The following DOCK4 variants were observed in gnomAD, a reference collection of about 807,000 sequenced individuals.
The protein encoded by DOCK4 is dedicator of cytokinesis protein 4.
Under a neutral mutation model 268.1 loss-of-function variants are expected in DOCK4, and 97 were observed. The ratio of observed to expected loss-of-function variants is 0.36; its 90% CI spans 0.31 to 0.43. The LOEUF (loss-of-function observed/expected upper bound fraction) is 0.43, where lower values mean the gene tolerates loss of function less well. Among genes scored for constraint, DOCK4 ranks in the 20% least tolerant of loss-of-function variants. The probability of loss-of-function intolerance (pLI) is 1.00; values close to 1 mark genes in which losing one functional copy is unlikely to be tolerated. For synonymous variants in DOCK4, 954 were observed against 887.2 expected, an observed-to-expected ratio of 1.08 and a Z score of -1.34; for missense variants, 2,145 against 2,455.7, an observed-to-expected ratio of 0.87 and a Z score of 2.67.
At chr7:112,117,750 G>C (rs1812316557) in intron 1 of DOCK4, among the ~76,000 whole-genome samples, 1 of 152,202 alleles carries the variant, frequency 6.6e-6, no homozygotes, top group African/African-American at 2.4e-5. Flanking sequence ...CTGTGGTTTT[G>C]TTGTGTTATT....
At chr7:112,125,078 A>C (rs2115973485) in intron 1 of DOCK4, among the ~76,000 whole-genome samples, 1 of 152,362 alleles carries the variant, frequency 6.6e-6, no homozygotes, top group East Asian at 1.9e-4. Context: ...AACAAGCCTA[A>C]AATCCCACAG....
At chr7:111,993,851 A>G (rs1236559744) in intron 5 of DOCK4, among the ~76,000 whole-genome samples, 1 of 152,248 alleles carries the variant, frequency 6.6e-6, no homozygotes, top group Admixed American at 6.5e-5. Flanking sequence ...CCTGGAAATT[A>G]AAAATATTCA....
At chr7:111,814,192 G>A (rs1389726715) in intron 27 of DOCK4, among the ~76,000 whole-genome samples, 1 of 152,126 alleles carries the variant, frequency 6.6e-6, no homozygotes, top group African/African-American at 2.4e-5. Context: ...GTTATTCCAT[G>A]GCAAAGATTA....
At chr7:111,922,637 A>G (rs888940687) in intron 12 of DOCK4, among the ~76,000 whole-genome samples, 12 of 151,978 alleles carry the variant, frequency 7.9e-5, no homozygotes, top group Non-Finnish European at 1.3e-4. Context: ...GCTGGAGTGC[A>G]GTGGTGCGAT....
intron 1 of DOCK4, among the ~76,000 whole-genome samples, chr7:112,190,442 C>A (rs893627213): frequency 6.6e-6 from 1 of 152,062 alleles, no homozygotes; most frequent in Non-Finnish European, 1.5e-5. Context: ...GTTAGGTTTT[C>A]CAGGTAAAGA....
chr7:111,973,383 A>G (rs958558640), intron 8 of DOCK4, among the ~76,000 whole-genome samples: 42 of 151,970 alleles, frequency 2.8e-4, no homozygotes, highest in African/African-American at 9.4e-4. Flanking sequence ...TCACTTAACT[A>G]TACCATCTTT....
intron 1 of DOCK4, among the ~76,000 whole-genome samples, chr7:112,068,435 T>C (rs1807278073): frequency 6.6e-6 from 1 of 152,186 alleles, no homozygotes; most frequent in African/African-American, 2.4e-5. Flanking sequence ...TCTACGTATG[T>C]GAATGTGGAC....
chr7:112,126,554 A>C (rs1032518234), intron 1 of DOCK4, among the ~76,000 whole-genome samples: 1 of 152,256 alleles, frequency 6.6e-6, no homozygotes, highest in Admixed American at 6.5e-5. Flanking sequence ...CAAAATTGAC[A>C]AATGGGATCT....
rs112847856 is a variant in DOCK4 at position 111,861,106 on chromosome 7, C to T, written c.2473+2266G>A. Among the ~76,000 whole-genome samples the T allele has an allele frequency of 7.7e-3, 1,176 of 152,238 alleles. 18 individuals are homozygous for T. Among genetic ancestry groups the T allele is most frequent in the African/African-American group, 0.027 (1,132 of 41,536 alleles). ...AGCAGGGTTGGTGTTTGAGTTAAAGCAGGGTGCTCCGTTGGGACCTACATC... is the reference window on the plus strand; with the variant it reads ...AGCAGGGTTGGTGTTTGAGTTAAAGTAGGGTGCTCCGTTGGGACCTACATC... On this transcript the variant is annotated intron_variant, in intron 23 of 52. Coordinates refer to ENST00000428084, the MANE Select transcript of DOCK4 (RefSeq NM_001363540.2).
At chr7:112,179,971 G>C (rs183436133) in intron 1 of DOCK4, among the ~76,000 whole-genome samples, 5 of 152,096 alleles carry the variant, frequency 3.3e-5, no homozygotes, top group Non-Finnish European at 5.9e-5. Context: ...GGGGTGGAGT[G>C]GGGGTGGGTG....
rs577494422 is a variant in DOCK4 at position 112,200,913 on chromosome 7, G to A, written c.37+5189C>T. ...TATCCCACTGTCTGTATGGCCCTTC[G>A]GTGGTATTTTACTGGGAGGTATAAA... On this transcript the variant is annotated intron_variant, in intron 1 of 52. Transcript: ENST00000428084. Among the ~76,000 whole-genome samples the A allele has an allele frequency of 2.0e-4, 31 of 151,986 alleles. 1 individual carries two copies. The South Asian group carries it at 6.0e-3, about 30-fold the overall frequency.
intron 27 of DOCK4, among the ~76,000 whole-genome samples, chr7:111,813,310 T>G (rs116296729): frequency 2.2e-3 from 332 of 152,336 alleles, no homozygotes; most frequent in African/African-American, 7.4e-3. Flanking sequence ...CTTCAAACTT[T>G]GGTTATCTTG....
chr7:111,992,012 A>G (rs39773), intron 5 of DOCK4, among the ~76,000 whole-genome samples: 66,039 of 147,982 alleles, frequency 0.45, 15,157 homozygotes, highest in African/African-American at 0.5. Context: ...CCCCAGGAAA[A>G]AGAGATGTAA....
chr7:111,878,986 G>A (rs1359529499), intron 16 of DOCK4, among the ~76,000 whole-genome samples: 2 of 151,984 alleles, frequency 1.3e-5, no homozygotes, highest in Non-Finnish European at 2.9e-5. Flanking sequence ...GGAGACACCT[G>A]CTGGGGTGAG....
chr7:112,084,476 C>A (rs1353877092), intron 1 of DOCK4, among the ~76,000 whole-genome samples: 2 of 152,116 alleles, frequency 1.3e-5, no homozygotes, highest in African/African-American at 4.8e-5. Context: ...GTGTGTCCAG[C>A]AAAAGGGAAT....
chr7:111,990,953 G>A (rs561560375), intron 5 of DOCK4, among the ~76,000 whole-genome samples: 94 of 152,272 alleles, frequency 6.2e-4, no homozygotes, highest in Non-Finnish European at 8.4e-4. Context: ...AAACACTTGA[G>A]GAAGTCAGTG....
At chr7:112,115,678 A>G (rs948134795) in intron 1 of DOCK4, among the ~76,000 whole-genome samples, 9 of 143,470 alleles carry the variant, frequency 6.3e-5, no homozygotes, top group African/African-American at 2.4e-4. Flanking sequence ...TCCATCATCT[A>G]TGTAATCTAT....
intron 26 of DOCK4, among the ~76,000 whole-genome samples, chr7:111,824,896 T>C (rs772628388): frequency 1.3e-5 from 2 of 152,362 alleles, no homozygotes; most frequent in African/African-American, 2.4e-5. Flanking sequence ...GTGTCTCAAG[T>C]AGTTTTCTAC....
chr7:112,183,425 CT>C (rs149093946), intron 1 of DOCK4, among the ~76,000 whole-genome samples: 2,305 of 152,332 alleles, frequency 0.015, 27 homozygotes, highest in South Asian at 0.036. Context: ...GCATTCCAGG[CT>C]TTACTGATGG....
Sources: allele counts gnomAD v4.1 joint callset (sites outside exome capture counted in the v4.1 genomes callset), GRCh38; gene constraint gnomAD v4.1.1; transcripts MANE v1.5; gene names NCBI Gene and HGNC (gene_info 2026-07-23, HGNC 2026-07-21).